SPOCK1: variants seen among roughly 807,000 people sequenced by gnomAD.
SPOCK1 encodes SPARC (osteonectin), cwcv and kazal like domains proteoglycan 1.
Under a neutral mutation model 55.3 loss-of-function variants are expected in SPOCK1, and 23 were observed. The observed-to-expected ratio is 0.42, with a 90% CI of 0.30 to 0.59. The LOEUF is 0.59. SPOCK1 is among the 20% of genes least tolerant of loss of function. The pLI is 0.22. For synonymous variants in SPOCK1, 226 were observed against 221.0 expected (o/e 1.02, Z -0.20); for missense variants, 499 against 552.5 (o/e 0.90, Z 0.97).
intron 3 of SPOCK1, among the ~76,000 whole-genome samples, chr5:137,161,530 A>G (rs1185068647): frequency 6.6e-6 from 1 of 152,106 alleles, no homozygotes; most frequent in Admixed American, 6.5e-5. Context: ...GCTTTCATCT[A>G]CACATTTTTT....
intron 4 of SPOCK1, among the ~76,000 whole-genome samples, chr5:137,123,196 G>A (rs578095079): frequency 6.6e-6 from 1 of 152,320 alleles, no homozygotes; most frequent in South Asian, 2.1e-4. Context: ...GTCAGTGTTG[G>A]AGGAGAGGAG....
chr5:137,434,493 T>C (rs1053622647), intron 2 of SPOCK1, among the ~76,000 whole-genome samples: 8 of 122,766 alleles, frequency 6.5e-5, no homozygotes, highest in East Asian at 2.2e-4. Context: ...TTTTTTTTTT[T>C]TTTTTTTTTT....
At chr5:137,142,401 A>G (rs1754117405) in intron 3 of SPOCK1, among the ~76,000 whole-genome samples, 1 of 152,118 alleles carries the variant, frequency 6.6e-6, no homozygotes, top group Non-Finnish European at 1.5e-5. Flanking sequence ...ACAACATCCA[A>G]AAGCATTTCT....
At chr5:137,471,052 C>A (rs1374162571) in intron 2 of SPOCK1, among the ~76,000 whole-genome samples, 1 of 152,184 alleles carries the variant, frequency 6.6e-6, no homozygotes, top group Non-Finnish European at 1.5e-5. Flanking sequence ...GCAAAGTGCT[C>A]AGCCCAGCAC....
At position 137,229,024 on chromosome 5, in the gene SPOCK1, A is replaced by G. The variant is rs138678677; in HGVS notation, c.232+37986T>C. 3.4e-3 allele frequency among the ~76,000 whole-genome samples: 519 copies of G among 152,280 alleles called. 3 individuals carry two copies. The highest frequency in any genetic ancestry group is 0.012 in the African/African-American group (500 of 41,538). On this transcript the variant is annotated intron_variant, in intron 3 of 10. Transcript: ENST00000394945. ...GCACTGGGAGCAACCTGGGCTGCCC[A>G]GTCCAGGCCTTCTTAAATTCTGATT...
chr5:137,381,623 G>T (rs1342024013), intron 2 of SPOCK1, among the ~76,000 whole-genome samples: 5 of 152,222 alleles, frequency 3.3e-5, no homozygotes, highest in African/African-American at 1.2e-4. Flanking sequence ...TGGAGCAATG[G>T]TCTGAGCTGT....
At chr5:137,394,660 G>C (rs971507861) in intron 2 of SPOCK1, among the ~76,000 whole-genome samples, 1 of 152,158 alleles carries the variant, frequency 6.6e-6, no homozygotes, top group African/African-American at 2.4e-5. Context: ...CATGCAATAA[G>C]TGCTCAATAA....
At chr5:137,420,744 C>T (rs1193344842) in intron 2 of SPOCK1, among the ~76,000 whole-genome samples, 2 of 152,112 alleles carry the variant, frequency 1.3e-5, no homozygotes, top group Non-Finnish European at 2.9e-5. Context: ...TTTCAAAAAA[C>T]CAGCTCCTGG....
At chr5:137,487,495 T>G (rs770497851) in intron 2 of SPOCK1, among the ~76,000 whole-genome samples, 7 of 152,326 alleles carry the variant, frequency 4.6e-5, no homozygotes, top group Admixed American at 2.0e-4. Context: ...GTAAACATTC[T>G]TTATTACATC....
intron 4 of SPOCK1, among the ~76,000 whole-genome samples, chr5:137,124,495 A>G (rs1259936966): frequency 4.6e-5 from 7 of 152,122 alleles, no homozygotes; most frequent in Non-Finnish European, 7.4e-5. Context: ...GACCTTAGAG[A>G]GAAGAGATTC....
intron 4 of SPOCK1, among the ~76,000 whole-genome samples, chr5:137,131,989 A>AAAAAAAAAAAAATATATAT (rs1391176339): frequency 2.8e-5 from 1 of 36,070 alleles, no homozygotes; most frequent in Non-Finnish European, 4.3e-5. Context: ...AAAAAAAAAA[A>AAAAAAAAAAAAATATATAT]ATATATATAT....
chr5:137,477,047 A>C (rs1753850915), intron 2 of SPOCK1, among the ~76,000 whole-genome samples: 1 of 152,236 alleles, frequency 6.6e-6, no homozygotes, highest in Non-Finnish European at 1.5e-5. Flanking sequence ...TCATCACAAC[A>C]TTGTTATAAT....
chr5:136,987,330 A>G (rs1057166902), intron 8 of SPOCK1, among the ~76,000 whole-genome samples: 2 of 152,202 alleles, frequency 1.3e-5, no homozygotes, highest in Non-Finnish European at 2.9e-5. Flanking sequence ...AATTTCCTTA[A>G]AAAACAAACA....
intron 6 of SPOCK1, among the ~76,000 whole-genome samples, chr5:137,044,650 T>A (rs74420764): frequency 0.1 from 15,382 of 152,088 alleles, 938 homozygotes; most frequent in East Asian, 0.24. Context: ...TTCTTTTTTT[T>A]TTATTATTAT....
chr5:137,445,991 C>G (rs1753119523), intron 2 of SPOCK1, among the ~76,000 whole-genome samples: 1 of 152,138 alleles, frequency 6.6e-6, no homozygotes, highest in African/African-American at 2.4e-5. Context: ...TGCCATTAAA[C>G]ACTTTCCTAA....
At chr5:137,248,205 T>G (rs994032612) in intron 3 of SPOCK1, among the ~76,000 whole-genome samples, 1 of 152,358 alleles carries the variant, frequency 6.6e-6, no homozygotes, top group Admixed American at 6.5e-5. Flanking sequence ...GAATATACTT[T>G]CTAAGCCCTC....
intron 6 of SPOCK1, among the ~76,000 whole-genome samples, chr5:137,054,005 T>G (rs1309953018): frequency 6.6e-6 from 1 of 152,148 alleles, no homozygotes; most frequent in African/African-American, 2.4e-5. Flanking sequence ...TCCAAGGTCT[T>G]TTGGAAGGCT....
At chr5:137,237,974 A>G (rs765763583) in intron 3 of SPOCK1, among the ~76,000 whole-genome samples, 4 of 152,222 alleles carry the variant, frequency 2.6e-5, no homozygotes, top group Non-Finnish European at 5.9e-5. Context: ...GCAATACATC[A>G]TGGTGGTTGA....
chr5:137,349,566 G>A (rs1175367570), intron 2 of SPOCK1, among the ~76,000 whole-genome samples: 1 of 152,210 alleles, frequency 6.6e-6, no homozygotes, highest in African/African-American at 2.4e-5. Context: ...AGAAATTATT[G>A]TCTCACAGAT....
Sources: gnomAD v4.1 joint callset for allele counts (sites outside exome capture counted in the v4.1 genomes callset) on GRCh38, gnomAD v4.1.1 for gene constraint, MANE v1.5 for transcripts, NCBI Gene and HGNC (gene_info 2026-07-23, HGNC 2026-07-21) for gene names.